OR3A2: variants seen among roughly 807,000 people sequenced by gnomAD.
OR3A2 encodes the protein olfactory receptor family 3 subfamily A member 2.
For missense variants in OR3A2, 318 were observed against 392.8 expected, an observed-to-expected ratio of 0.81 and a Z score of 1.61; for synonymous variants, 126 against 159.3, an observed-to-expected ratio of 0.79 and a Z score of 1.57.
intron 2 of OR3A2, among the ~76,000 whole-genome samples, chr17:3,339,284 G>A (rs2049296190): frequency 6.6e-6 from 1 of 152,138 alleles, no homozygotes; most frequent in Non-Finnish European, 1.5e-5. Flanking sequence ...GACTGCCCTA[G>A]CAAAGAACTT....
chr17:3,332,965 G>A lies in OR3A2; in HGVS notation c.-85+3068C>T, dbSNP rs998832455. On this transcript the variant is annotated intron_variant, in intron 3 of 4. Transcript: ENST00000573491. ...ACCTTGAAAAGAACAGAATAACAGC[G>A]ATTTTAAGGAACAAGGGAAGACAAC... Among the ~76,000 whole-genome samples the A allele has an allele frequency of 3.9e-5, 6 of 152,240 alleles. No individual in the cohort carries two copies. The East Asian group carries it at 5.8e-4, about 15-fold the overall frequency.
chr17:3,321,700 T>G (rs1283848430), intron 3 of OR3A2, among the ~76,000 whole-genome samples: 1 of 152,230 alleles, frequency 6.6e-6, no homozygotes, highest in African/African-American at 2.4e-5. Context: ...TGGCATATGT[T>G]GAACCAGCCT....
At chr17:3,367,621 A>ATATATATATG (rs1489329132) in intron 2 of OR3A2, among the ~76,000 whole-genome samples, 2 of 146,948 alleles carry the variant, frequency 1.4e-5, no homozygotes, top group Admixed American at 1.4e-4. Flanking sequence ...ATATATATAT[A>ATATATATATG]TGCCATTTTC....
intron 2 of OR3A2, among the ~76,000 whole-genome samples, chr17:3,350,964 C>T (rs1224155680): frequency 7.2e-5 from 11 of 151,766 alleles, no homozygotes; most frequent in East Asian, 1.9e-4. Context: ...GCAGAAAAGG[C>T]CTTTGACAAA....
At chr17:3,314,549 C>T (rs558953156) in intron 3 of OR3A2, among the ~76,000 whole-genome samples, 6 of 152,168 alleles carry the variant, frequency 3.9e-5, no homozygotes, top group East Asian at 3.9e-4. Context: ...AAGCTGCACA[C>T]GGTGATTCCC....
rs575619489 is a variant in OR3A2 at position 3,311,626 on chromosome 17, A to G, written c.-85+24407T>C. On this transcript the variant is annotated intron_variant, in intron 3 of 4. Transcript: ENST00000573491. The surrounding 1 kb of genome is among the most constrained non-coding windows in gnomAD (Gnocchi z 4.6). ...GGCCACCTTCATAGGAGTGATCCCC[A>G]TGATCTTTATCTCAGTGTCCTATGC... 3 of 350,458 alleles carry G rather than the reference A, an allele frequency of 8.6e-6. No homozygotes were observed. The highest frequency in any genetic ancestry group is 1.8e-5 in the Non-Finnish European group (3 of 171,382). The allele number at this position is 350,458 out of a possible 1,614,324, so 21.7% of individuals were successfully genotyped here.
At chr17:3,371,619 C>T (rs1019386334) in intron 2 of OR3A2, among the ~76,000 whole-genome samples, 6 of 134,488 alleles carry the variant, frequency 4.5e-5, no homozygotes, top group Non-Finnish European at 9.7e-5. Context: ...GGCAGAGGGG[C>T]TCCTCACTTC....
At chr17:3,284,503 C>A (rs1450654462), upstream of OR3A2, 1 of 150,594 alleles carries the variant, frequency 6.6e-6, no homozygotes, top group East Asian at 1.9e-4. Context: ...CTGTACAGGG[C>A]TGTGTTCACT....
chr17:3,292,282 G>A lies in OR3A2; in HGVS notation c.-84-13129C>T, dbSNP rs777711411. ...AGATGGAAGAAGAAGAGCTGGGTAA[G>A]GCAGGCCCCACAGGGAACTGCACGC... On this transcript the variant is annotated intron_variant, in intron 3 of 4. Transcript: ENST00000573491. 4.3e-6 allele frequency: 7 copies of A among 1,614,172 alleles called. No individual in the cohort carries two copies. The Admixed American group carries it at 1.0e-4, about 23-fold the overall frequency.
At chr17:3,317,801 G>A (rs1439578209) in intron 3 of OR3A2, among the ~76,000 whole-genome samples, 3 of 152,108 alleles carry the variant, frequency 2.0e-5, no homozygotes, top group Non-Finnish European at 2.9e-5. Context: ...AAAAGCCAGA[G>A]TAGGAATTTA....
chr17:3,289,229 T>C (rs2048842468), upstream of OR3A2, among the ~76,000 whole-genome samples: 1 of 152,252 alleles, frequency 6.6e-6, no homozygotes. Context: ...GTACTGTTTG[T>C]ACATTTACAA....
chr17:3,373,600 T>C (rs1385052394), intron 2 of OR3A2, among the ~76,000 whole-genome samples: 6 of 152,226 alleles, frequency 3.9e-5, no homozygotes, highest in Non-Finnish European at 7.3e-5. Context: ...CTGTCTAATA[T>C]AAAAATAGCT....
intron 2 of OR3A2, among the ~76,000 whole-genome samples, chr17:3,366,385 T>C (rs947708423): frequency 6.6e-6 from 1 of 152,106 alleles, no homozygotes; most frequent in Non-Finnish European, 1.5e-5. Flanking sequence ...AAACAGAAAA[T>C]CTTTAGTTGC....
At chr17:3,333,141 T>C (rs757888946) in intron 3 of OR3A2, among the ~76,000 whole-genome samples, 4 of 152,158 alleles carry the variant, frequency 2.6e-5, no homozygotes, top group Non-Finnish European at 4.4e-5. Context: ...AGCAAAATAA[T>C]TGCATTCCTG....
At chr17:3,293,486 T>G (rs901005089) in intron 3 of OR3A2, among the ~76,000 whole-genome samples, 22 of 152,190 alleles carry the variant, frequency 1.4e-4, no homozygotes, top group African/African-American at 5.1e-4. Context: ...AAACATGTCT[T>G]AGACTTGCAA....
intron 3 of OR3A2, among the ~76,000 whole-genome samples, chr17:3,305,220 C>T (rs1408578937): frequency 6.6e-6 from 1 of 152,006 alleles, no homozygotes; most frequent in Admixed American, 6.6e-5. Context: ...CTGATGTCTG[C>T]GTCTAGAGGG....
downstream of OR3A2, chr17:3,277,061 C>G (rs1324144951): frequency 4.0e-5 from 6 of 151,834 alleles, no homozygotes; most frequent in African/African-American, 1.5e-4. Flanking sequence ...GTAGCTGGGA[C>G]TACAGGCGCC....
chr17:3,350,079 A>T (rs1476882159), intron 2 of OR3A2, among the ~76,000 whole-genome samples: 1 of 150,014 alleles, frequency 6.7e-6, no homozygotes, highest in Non-Finnish European at 1.5e-5. Context: ...AAGAGAAAGC[A>T]GGAAAGATCC....
Position 3,277,952 on chromosome 17 carries a change from G to T in OR3A2, c.*18C>A, listed in dbSNP as rs762000425. The T allele has an allele frequency of 5.1e-6, 8 of 1,573,904 alleles. No individual in the cohort carries two copies. The East Asian group carries it at 1.8e-4, about 36-fold the overall frequency. Reference sequence around the variant, plus strand: ...CCTCAGTCCAGAAAAGGCAGGAAAGGAGGGACCCCATTACCTCTCAGGTCA... The same window carrying T: ...CCTCAGTCCAGAAAAGGCAGGAAAGTAGGGACCCCATTACCTCTCAGGTCA... On this transcript the variant is annotated 3_prime_UTR_variant, in exon 2 of 2. Coordinates refer to ENST00000642052, the Ensembl canonical transcript of OR3A2.
Sources: allele counts gnomAD v4.1 joint callset (sites outside exome capture counted in the v4.1 genomes callset), GRCh38; gene constraint gnomAD v4.1.1; non-coding constraint Gnocchi (gnomAD v3.1); transcripts MANE v1.5; gene names NCBI Gene and HGNC (gene_info 2026-07-23, HGNC 2026-07-21).